The following SYNE1 variants were observed in gnomAD, a reference collection of about 807,000 sequenced individuals.
The protein encoded by SYNE1 is spectrin repeat containing nuclear envelope protein 1.
A neutral mutation model predicts 1,111.0 loss-of-function variants in SYNE1; 616 were observed. That is an observed-to-expected ratio of 0.55 (90% confidence interval 0.52 to 0.59). SYNE1 has a LOEUF of 0.59. SYNE1 is among the 20% of genes least tolerant of loss of function. SYNE1 has a pLI of 0.00. For synonymous variants in SYNE1, 3,855 were observed against 3,825.8 expected (o/e 1.01, Z -0.28); for missense variants, 10,006 against 10,417.0 (o/e 0.96, Z 1.72).
At chr6:152,510,909 A>G in intron 7 of SYNE1, 102 bp downstream of exon 7, 1 of 1,068,990 alleles carries the variant, frequency 9.4e-7, no homozygotes, top group Non-Finnish European at 1.5e-6. Context: ...TAAGTTAAGG[A>G]TCAACCCCAA....
intron 128 of SYNE1, among the ~76,000 whole-genome samples, chr6:152,186,223 T>C (rs185162253): frequency 1.8e-4 from 27 of 152,180 alleles, no homozygotes; most frequent in African/African-American, 6.0e-4. Flanking sequence ...ATAAGTGACA[T>C]CACAGGAGTT....
intron 137 of SYNE1, chr6:152,145,942 T>C: frequency 3.4e-6 from 1 of 296,202 alleles, no homozygotes; most frequent in East Asian, 8.4e-5. Context: ...GGAGGATCGC[T>C]TGAACCCGGG....
chr6:152,512,724 T>C (rs1405489846), intron 6 of SYNE1, among the ~76,000 whole-genome samples: 1 of 152,194 alleles, frequency 6.6e-6, no homozygotes, highest in Non-Finnish European at 1.5e-5. Flanking sequence ...AAAATGTTTT[T>C]CATGATTATC....
rs770802176 is a variant in SYNE1 at position 152,136,700 on chromosome 6, T to G, written c.25577A>C (p.Gln8526Pro). The change falls in exon 141 of 146, where the codon CAG becomes CCG. Residue 8526 changes from glutamine to proline, a missense_variant. This residue lies in a region of SYNE1 where 761 missense variants were observed against 795.5 expected (regional missense o/e 0.96). Coordinates refer to ENST00000367255, the MANE Select transcript of SYNE1 (RefSeq NM_182961.4). ...ESRDLQDRLS[Q>P]MNGRWDRVCS... Reference sequence around the variant, plus strand: ...CACTCGGTCCCAGCGCCCATTCATCTGCGACAAGCGATCCTGCAGGTCCCG... The same window carrying G: ...CACTCGGTCCCAGCGCCCATTCATCGGCGACAAGCGATCCTGCAGGTCCCG... 8.7e-6 allele frequency: 14 copies of G among 1,614,132 alleles called. No individual in the cohort carries two copies. In the African/African-American group the frequency reaches 1.3e-4, roughly 15 times the overall value.
intron 14 of SYNE1, among the ~76,000 whole-genome samples, chr6:152,480,456 G>C (rs1402968506): frequency 6.6e-6 from 1 of 152,176 alleles, no homozygotes; most frequent in Non-Finnish European, 1.5e-5. Context: ...GGGAAGAAGA[G>C]GTTGCAATGA....
chr6:152,632,410 T>C (rs2099699379), intron 2 of SYNE1, among the ~76,000 whole-genome samples: 1 of 152,208 alleles, frequency 6.6e-6, no homozygotes, highest in Non-Finnish European at 1.5e-5. Context: ...AATCATGATT[T>C]TCTTGCTTTT....
At chr6:152,125,423 T>C in intron 145 of SYNE1, 1 of 1,491,402 alleles carries the variant, frequency 6.7e-7, no homozygotes, top group East Asian at 2.5e-5. Context: ...CATTTTGTTT[T>C]GAGGCAGTTA....
intron 87 of SYNE1, among the ~76,000 whole-genome samples, chr6:152,314,345 A>G (rs2095643537): frequency 6.6e-6 from 1 of 152,196 alleles, no homozygotes. Context: ...ATTTACTGCT[A>G]GGATTTCAGC....
intron 27 of SYNE1, 65 bp downstream of exon 27, chr6:152,450,560 A>G: frequency 7.6e-7 from 1 of 1,320,342 alleles, no homozygotes; most frequent in South Asian, 1.2e-5. Flanking sequence ...TTGTTTTGTC[A>G]TGATCTCCGA....
intron 4 of SYNE1, among the ~76,000 whole-genome samples, chr6:152,537,790 T>A (rs2099250621): frequency 6.6e-6 from 1 of 152,174 alleles, no homozygotes; most frequent in Non-Finnish European, 1.5e-5. Flanking sequence ...TGCCTAAGCA[T>A]CTTCTGAACA....
At chr6:152,536,245 C>T (rs2099235958) in intron 4 of SYNE1, among the ~76,000 whole-genome samples, 1 of 149,908 alleles carries the variant, frequency 6.7e-6, no homozygotes, top group Non-Finnish European at 1.5e-5. Context: ...CTTGATCATT[C>T]CCTTCTATAC....
Position 152,293,942 on chromosome 6 carries a change from T to C in SYNE1, c.17850+18A>G, listed in dbSNP as rs1215305311. Reference sequence around the variant, plus strand: ...CTGGTGTCTGGTGGGCATAAACTAGTCCACCTTGAAGACTTACCACATTCT... The same window carrying C: ...CTGGTGTCTGGTGGGCATAAACTAGCCCACCTTGAAGACTTACCACATTCT... On this transcript the variant is annotated intron_variant, in intron 94 of 145. Transcript: ENST00000367255. 1 of 1,613,822 alleles carries C rather than the reference T, an allele frequency of 6.2e-7. No individual in the cohort carries two copies. The highest frequency in any genetic ancestry group is 8.5e-7 in the Non-Finnish European group (1 of 1,179,946).
In SYNE1 at chr6:152,304,999, G is replaced by C. The variant is rs140929111; in HGVS notation, c.17347-2936C>G. ...TTACCTTTGAGGGTTGGTTATTCAAGCTGTGGTCAAATCCACTAAAATAAA... is the reference window on the plus strand; with the variant it reads ...TTACCTTTGAGGGTTGGTTATTCAACCTGTGGTCAAATCCACTAAAATAAA... On this transcript the variant is annotated intron_variant, in intron 91 of 145. Coordinates refer to ENST00000367255, the MANE Select transcript of SYNE1 (RefSeq NM_182961.4). Among the ~76,000 whole-genome samples, 1,324 of 152,224 alleles carry C rather than the reference G, an allele frequency of 8.7e-3. 14 individuals are homozygous for C. The highest frequency in any genetic ancestry group is 0.031 in the African/African-American group (1,269 of 41,522).
chr6:152,352,465 C>A, intron 69 of SYNE1, 112 bp from the exon 70 acceptor site: 3 of 1,161,624 alleles, frequency 2.6e-6, no homozygotes, highest in Non-Finnish European at 3.6e-6. Flanking sequence ...TGCAGTGGCA[C>A]AATCTTGGCT....
Position 152,455,667 on chromosome 6 carries a change from C to A in SYNE1, c.2728-77G>T, listed in dbSNP as rs755470912. The A allele has an allele frequency of 4.0e-5, 64 of 1,584,710 alleles. No individual in the cohort carries two copies. The South Asian group carries it at 6.7e-4, about 17-fold the overall frequency. ...GATCATTTTGTTAGAGGGTATTATTCATTTAAAAAGCACTTGGAAAAAAGA... is the reference window on the plus strand; with the variant it reads ...GATCATTTTGTTAGAGGGTATTATTAATTTAAAAAGCACTTGGAAAAAAGA... On this transcript the variant is annotated intron_variant, in intron 23 of 145. Transcript: ENST00000367255.
intron 93 of SYNE1, among the ~76,000 whole-genome samples, chr6:152,299,501 G>C (rs186078487): frequency 6.6e-6 from 1 of 152,132 alleles, no homozygotes; most frequent in East Asian, 1.9e-4. Flanking sequence ...TCAGGGCCTT[G>C]CAGGTAGGGC....
chr6:152,233,680 A>T, intron 112 of SYNE1, 101 bp downstream of exon 112: 2 of 1,433,990 alleles, frequency 1.4e-6, no homozygotes, highest in Non-Finnish European at 1.9e-6. Context: ...GGTGTCTGGG[A>T]CAAAGCTGAT....
At chr6:152,202,013 G>A in intron 126 of SYNE1, 64 bp from the exon 127 acceptor site, 2 of 1,574,070 alleles carry the variant, frequency 1.3e-6, no homozygotes, top group Non-Finnish European at 1.7e-6. Flanking sequence ...GGGGGGAAAA[G>A]AAAAGAAACA....
Position 152,518,877 on chromosome 6 carries a change from A to T in SYNE1, c.309+1582T>A, listed in dbSNP as rs924656712. ...ACAGAGATAGAGAGAGAGAGAGGAG[A>T]GAGAGAGAAGCACAGATATATGTAT... On this transcript the variant is annotated intron_variant, in intron 6 of 145. Coordinates refer to ENST00000367255, the MANE Select transcript of SYNE1 (RefSeq NM_182961.4). 4.6e-5 allele frequency among the ~76,000 whole-genome samples: 7 copies of T among 151,884 alleles called. No individual in the cohort carries two copies. In the East Asian group the frequency reaches 1.4e-3, roughly 30 times the overall value.
Sources: gnomAD v4.1 joint callset for allele counts (sites outside exome capture counted in the v4.1 genomes callset) on GRCh38, gnomAD v4.1.1 for gene constraint, gnomAD v4.1.1 regional missense constraint, MANE v1.5 for transcripts, NCBI Gene and HGNC (gene_info 2026-07-23, HGNC 2026-07-21) for gene names.